THUMPD2: variants seen among roughly 807,000 people sequenced by gnomAD.
THUMPD2 encodes the protein U6 snRNA (guanine-N(2))-methyltransferase THUMPD2.
In THUMPD2, 56 loss-of-function variants were observed where a neutral mutation model predicts 49.4. That is an observed-to-expected ratio of 1.13 (90% CI 0.91 to 1.41). THUMPD2 has a LOEUF of 1.41. Ranked by LOEUF, THUMPD2 falls within the 40% of genes most tolerant of loss-of-function variation. THUMPD2 has a pLI of 0.00. For missense variants in THUMPD2, 709 were observed against 594.5 expected (o/e 1.19, Z -2.00); for synonymous variants, 237 against 205.2 (o/e 1.15, Z -1.32).
chr2:39,744,262 T>C lies in THUMPD2; in HGVS notation c.1187+108A>G, dbSNP rs372055799. 2.7e-4 allele frequency: 150 copies of C among 565,370 alleles called. 1 individual carries two copies. In the East Asian group the frequency reaches 3.3e-3, roughly 12 times the overall value. The allele number at this position is 565,370 out of a possible 1,614,324, so 35.0% of individuals were successfully genotyped here. A position where few individuals can be genotyped will look rare whatever the true frequency, so the allele number is the denominator to read the frequency against. On this transcript the variant is annotated intron_variant, in intron 9 of 9. Coordinates refer to ENST00000505747, the MANE Select transcript of THUMPD2 (RefSeq NM_025264.5). ...CCTTAGAAAATTAAGCTACAAAAAC[T>C]CTGGGAAATTGCTAAAAAGCAATCA...
intron 8 of THUMPD2, among the ~76,000 whole-genome samples, chr2:39,750,660 T>C (rs533157547): frequency 6.6e-6 from 1 of 151,922 alleles, no homozygotes; most frequent in African/African-American, 2.4e-5. Flanking sequence ...TGAGCCAAGA[T>C]TGCACCACTG....
At position 39,757,362 on chromosome 2, in the gene THUMPD2, A is replaced by G. The variant is rs976504130; in HGVS notation, c.892-1402T>C. The G allele has an allele frequency of 2.3e-6, 3 of 1,299,356 alleles. No individual in the cohort carries two copies. In the African/African-American group the frequency reaches 4.6e-5, roughly 20 times the overall value. The allele number at this position is 1,299,356 out of a possible 1,614,324, so 80.5% of individuals were successfully genotyped here. A position where few individuals can be genotyped will look rare whatever the true frequency, so the allele number is the denominator to read the frequency against. On this transcript the variant is annotated intron_variant, in intron 6 of 9. Coordinates refer to ENST00000505747, the MANE Select transcript of THUMPD2 (RefSeq NM_025264.5). ...ACAGCCAGGTTTCAGTCAGAGCCATATGGTACCTAATGGAAAGAAACAAAA... is the reference window on the plus strand; with the variant it reads ...ACAGCCAGGTTTCAGTCAGAGCCATGTGGTACCTAATGGAAAGAAACAAAA...
At chr2:39,771,789 A>G (rs988964733) in intron 1 of THUMPD2, 149 bp from the exon 2 acceptor site, 18 of 817,590 alleles carry the variant, frequency 2.2e-5, no homozygotes, top group Non-Finnish European at 2.8e-5. Flanking sequence ...GGAACACTGA[A>G]TAAGTATTTT....
At chr2:39,739,637 C>T (rs1323054635) in intron 9 of THUMPD2, among the ~76,000 whole-genome samples, 2 of 152,284 alleles carry the variant, frequency 1.3e-5, no homozygotes, top group Admixed American at 6.5e-5. Flanking sequence ...CATGCAAGTG[C>T]ATGGGAGATG....
At chr2:39,752,915 TC>T (rs1675604970) in intron 8 of THUMPD2, among the ~76,000 whole-genome samples, 1 of 152,116 alleles carries the variant, frequency 6.6e-6, no homozygotes, top group Admixed American at 6.5e-5. Context: ...CCCTCTGCCT[TC>T]CCCTGCTCCT....
rs759478907 is a variant in THUMPD2, at chr2:39,768,470, A to G, written c.704T>C (p.Met235Thr). The part of the protein sequence containing the change: ...EVGKVIGIAI[M>T]KHFGWKADLR... ...GTCTGCTTTCCATCCAAAGTGTTTC[A>G]TAATAGCAATTCCAATTACTTTTCC... is the stretch of plus-strand genomic sequence containing the variant. Residue 235 changes from methionine to threonine, a missense_variant, in exon 4 of 10, where the codon ATG (methionine) becomes ACG (threonine). Met to Thr is a moderately conservative substitution (Grantham distance 81, BLOSUM62 -1). Coordinates refer to ENST00000505747, the MANE Select transcript of THUMPD2 (RefSeq NM_025264.5). 3 of 1,612,906 alleles carry G rather than the reference A, an allele frequency of 1.9e-6. No individual in the cohort carries two copies. Among genetic ancestry groups the G allele is most frequent in the African/African-American group, 2.7e-5 (2 of 74,904 alleles).
At chr2:39,764,786 C>T (rs1468765059) in intron 5 of THUMPD2, among the ~76,000 whole-genome samples, 1 of 152,162 alleles carries the variant, frequency 6.6e-6, no homozygotes, top group African/African-American at 2.4e-5. Context: ...AGACTGCTTC[C>T]TTCCTACACT....
At chr2:39,748,859 AC>A (rs1425382090) in intron 8 of THUMPD2, among the ~76,000 whole-genome samples, 1 of 151,934 alleles carries the variant, frequency 6.6e-6, no homozygotes, top group African/African-American at 2.4e-5. Context: ...AGTACCTCCT[AC>A]AGTCCTAGCT....
chr2:39,761,442 T>C (rs1676813007), intron 5 of THUMPD2, 24 bp from the exon 6 acceptor site: 3 of 1,600,272 alleles, frequency 1.9e-6, no homozygotes, highest in East Asian at 4.5e-5. Flanking sequence ...AATCTGATTA[T>C]ATATTATTAC....
intron 8 of THUMPD2, among the ~76,000 whole-genome samples, chr2:39,748,425 G>A (rs939662725): frequency 3.3e-5 from 5 of 152,110 alleles, no homozygotes; most frequent in Admixed American, 1.3e-4. Context: ...AAAGAAGGCC[G>A]GGTACGGTGG....
At chr2:39,769,095 T>C in intron 3 of THUMPD2, 4 of 1,303,916 alleles carry the variant, frequency 3.1e-6, no homozygotes, top group Non-Finnish European at 4.0e-6. Flanking sequence ...GTACAGGACC[T>C]GTGCAGAGTA....
At chr2:39,749,182 A>C (rs1361354463) in intron 8 of THUMPD2, among the ~76,000 whole-genome samples, 2 of 152,208 alleles carry the variant, frequency 1.3e-5, no homozygotes, top group African/African-American at 4.8e-5. Flanking sequence ...ATAAGCACAC[A>C]GATTGGCAAT....
chr2:39,775,236 G>A (rs183776508), intron 1 of THUMPD2, among the ~76,000 whole-genome samples: 21 of 152,190 alleles, frequency 1.4e-4, no homozygotes, highest in Middle Eastern at 3.4e-3. Context: ...CTGTGATCAC[G>A]CCACTGTTCC....
rs769422629 is a variant in THUMPD2, at chr2:39,736,857, T to G, written c.1390A>C (p.Lys464Gln). Residue 464 changes from lysine (K) to glutamine (Q), a missense_variant, in exon 10 of 10, where the codon AAA (lysine) becomes CAA (glutamine). Lys to Gln is a moderately conservative substitution (Grantham distance 53). Coordinates refer to ENST00000505747, the MANE Select transcript of THUMPD2 (RefSeq NM_025264.5). Reference sequence around the variant, plus strand: ...AATGGTGACATTCTGTCTAAGAATTTGTGGTTACTGGCTTCGAATGAAGTT... The same window carrying G: ...AATGGTGACATTCTGTCTAAGAATTGGTGGTTACTGGCTTCGAATGAAGTT... ...ASTSFEASNH[K>Q]FLDRMSPFGS... 6.2e-7 allele frequency: 1 copy of G among 1,614,232 alleles called. No individual in the cohort carries two copies. Among genetic ancestry groups the G allele is most frequent in the East Asian group, 2.2e-5 (1 of 44,892 alleles).
chr2:39,756,989 C>G (rs888454444), intron 6 of THUMPD2, among the ~76,000 whole-genome samples: 1 of 150,382 alleles, frequency 6.6e-6, no homozygotes, highest in Non-Finnish European at 1.5e-5. Context: ...GAAGAGATAC[C>G]CTTCTGGGTA....
intron 8 of THUMPD2, 28 bp downstream of exon 8, chr2:39,755,267 C>A: frequency 7.4e-7 from 1 of 1,347,156 alleles, no homozygotes; most frequent in Non-Finnish European, 1.0e-6. Flanking sequence ...TTCCTTTTCT[C>A]AATTGTTTTG....
At chr2:39,770,695 T>C (rs1291259732) in intron 2 of THUMPD2, among the ~76,000 whole-genome samples, 1 of 152,060 alleles carries the variant, frequency 6.6e-6, no homozygotes, top group Non-Finnish European at 1.5e-5. Context: ...ATCAAGATGA[T>C]CCAAAATTAC....
chr2:39,769,016 T>C (rs1189719888), intron 3 of THUMPD2: 5 of 1,304,602 alleles, frequency 3.8e-6, no homozygotes, highest in African/African-American at 3.0e-5. Context: ...CAGTTTGTGG[T>C]GTTCGCTCTT....
chr2:39,771,468 T>C (rs369512273), intron 2 of THUMPD2, 37 bp downstream of exon 2: 28 of 1,561,808 alleles, frequency 1.8e-5, no homozygotes, highest in Middle Eastern at 1.7e-4. Context: ...CAATGTATCA[T>C]GTGGGTAAAA....
Sources: gnomAD v4.1 joint callset for allele counts (sites outside exome capture counted in the v4.1 genomes callset) on GRCh38, gnomAD v4.1.1 for gene constraint, MANE v1.5 for transcripts, NCBI Gene and HGNC (gene_info 2026-07-23, HGNC 2026-07-21) for gene names.